The following PALLD variants were observed in gnomAD, a reference collection of about 807,000 sequenced individuals.
PALLD encodes the protein palladin, cytoskeletal associated protein, also known as palladin.
PALLD carries 61 observed loss-of-function variants against 123.5 expected under a neutral mutation model. That is an observed-to-expected ratio of 0.49 (90% CI 0.40 to 0.61). The LOEUF is 0.61. Ranked by LOEUF, PALLD falls within the 20% of genes least tolerant of loss-of-function variation. The pLI is 0.00. For synonymous variants in PALLD, 465 were observed against 496.4 expected (o/e 0.94, Z 0.84); for missense variants, 1,273 against 1,377.0 (o/e 0.92, Z 1.20).
intron 10 of PALLD, among the ~76,000 whole-genome samples, chr4:168,887,322 A>C (rs1319540400): frequency 6.6e-6 from 1 of 152,192 alleles, no homozygotes; most frequent in African/African-American, 2.4e-5. Flanking sequence ...CCCAAGGAAC[A>C]GGACTTATTC....
At chr4:168,636,584 C>T (rs1776369005) in intron 2 of PALLD, among the ~76,000 whole-genome samples, 1 of 152,218 alleles carries the variant, frequency 6.6e-6, no homozygotes, top group African/African-American at 2.4e-5. Flanking sequence ...ATAGAACTCA[C>T]TCTCCTCATT....
At chr4:168,505,546 C>T (rs530627660) in intron 1 of PALLD, among the ~76,000 whole-genome samples, 1 of 152,288 alleles carries the variant, frequency 6.6e-6, no homozygotes, top group South Asian at 2.1e-4. Context: ...TGATACATTG[C>T]TTAGGATTCT....
At chr4:168,922,552 A>G (rs527771039) in intron 18 of PALLD, among the ~76,000 whole-genome samples, 1 of 152,346 alleles carries the variant, frequency 6.6e-6, no homozygotes, top group South Asian at 2.1e-4. Context: ...TAAACACACT[A>G]CGTCACTGAG....
At chr4:168,781,811 C>T (rs577200959) in intron 10 of PALLD, among the ~76,000 whole-genome samples, 5 of 152,228 alleles carry the variant, frequency 3.3e-5, no homozygotes, top group African/African-American at 1.2e-4. Flanking sequence ...AGTTCAAGTA[C>T]AAGCTAAAAG....
chr4:168,729,635 A>T (rs1249744710), intron 10 of PALLD, among the ~76,000 whole-genome samples: 1 of 152,038 alleles, frequency 6.6e-6, no homozygotes, highest in Non-Finnish European at 1.5e-5. Flanking sequence ...CTTCAACATC[A>T]TTCTCGTGTA....
chr4:168,509,976 T>C (rs1263812302), intron 1 of PALLD, among the ~76,000 whole-genome samples: 3 of 152,206 alleles, frequency 2.0e-5, no homozygotes, highest in Non-Finnish European at 4.4e-5. Flanking sequence ...AAGATACTTC[T>C]ACGCAAGCAA....
chr4:168,713,847 C>G (rs1561436608), intron 10 of PALLD, among the ~76,000 whole-genome samples: 1 of 149,770 alleles, frequency 6.7e-6, no homozygotes, highest in African/African-American at 2.4e-5. Flanking sequence ...AGGTTACTCT[C>G]CCTTCATGAG....
Position 168,878,185 on chromosome 4 carries a change from C to T in PALLD, c.1965-12737C>T, listed in dbSNP as rs1060504775. ...CCCCGCCACCCCCGGTCTTCAGCCC[C>T]ACGGCTGCCTTCCCGGTGCCCGACG... On this transcript the variant is annotated intron_variant, in intron 10 of 21. Transcript: ENST00000505667. 4.0e-6 allele frequency: 6 copies of T among 1,513,132 alleles called. No individual in the cohort carries two copies. The East Asian group carries it at 7.9e-5, about 20-fold the overall frequency. The allele number at this position is 1,513,132 out of a possible 1,614,324, so 93.7% of individuals were successfully genotyped here.
intron 2 of PALLD, among the ~76,000 whole-genome samples, chr4:168,600,054 T>TATATACATACATGTGTATACACACACAC (rs1772440982): frequency 7.6e-6 from 1 of 131,204 alleles, no homozygotes. Flanking sequence ...TATACACACA[T>TATATACATACATGTGTATACACACACAC]ATATACATAC....
intron 10 of PALLD, among the ~76,000 whole-genome samples, chr4:168,887,550 A>G (rs767316239): frequency 3.9e-5 from 6 of 152,230 alleles, no homozygotes; most frequent in Non-Finnish European, 8.8e-5. Flanking sequence ...TCATCAGCAC[A>G]TAGTTGTTCT....
At chr4:168,509,594 A>G (rs1482410270) in intron 1 of PALLD, among the ~76,000 whole-genome samples, 1 of 152,184 alleles carries the variant, frequency 6.6e-6, no homozygotes, top group Non-Finnish European at 1.5e-5. Context: ...AAGGAATTAG[A>G]GTGATATTTG....
chr4:168,594,200 TAAG>T (rs1771745456), intron 2 of PALLD, among the ~76,000 whole-genome samples: 1 of 151,974 alleles, frequency 6.6e-6, no homozygotes, highest in South Asian at 2.1e-4. Context: ...AGAGGGAAGG[TAAG>T]GAGATGGTTA....
In PALLD at chr4:168,926,516, A is replaced by G. The variant is rs1234934977; in HGVS notation, c.*336A>G. The G allele has an allele frequency of 1.5e-6, 1 of 651,198 alleles. No individual in the cohort carries two copies. Among genetic ancestry groups the G allele is most frequent in the South Asian group, 2.4e-5 (1 of 41,246 alleles). 40.3% of individuals were successfully genotyped at this position (651,198 alleles called of 1,614,324 possible). A position where few individuals can be genotyped will look rare whatever the true frequency, so the allele number is the denominator to read the frequency against. On this transcript the variant is annotated 3_prime_UTR_variant, in exon 22 of 22. Transcript: ENST00000505667. ...AAATTAAAAAAAAAACACCAAAATAATATTTTTCTTACTTGATATACCAAA... is the reference window on the plus strand; with the variant it reads ...AAATTAAAAAAAAAACACCAAAATAGTATTTTTCTTACTTGATATACCAAA...
intron 2 of PALLD, among the ~76,000 whole-genome samples, chr4:168,560,386 A>T (rs955555925): frequency 1.3e-5 from 2 of 152,238 alleles, no homozygotes; most frequent in African/African-American, 4.8e-5. Flanking sequence ...GCTGGAAAGC[A>T]CTAGAACTGT....
intron 10 of PALLD, among the ~76,000 whole-genome samples, chr4:168,807,459 G>A (rs1396510474): frequency 6.6e-6 from 1 of 152,106 alleles, no homozygotes; most frequent in Non-Finnish European, 1.5e-5. Context: ...GCCCAGACTG[G>A]AGTGCAATGG....
At chr4:168,804,623 G>C (rs969968093) in intron 10 of PALLD, among the ~76,000 whole-genome samples, 44 of 152,174 alleles carry the variant, frequency 2.9e-4, no homozygotes, top group African/African-American at 1.0e-3. Context: ...CAGTTGCAAA[G>C]ACCTATTTTC....
intron 3 of PALLD, among the ~76,000 whole-genome samples, chr4:168,670,760 AAAAAC>A (rs1780157600): frequency 4.7e-5 from 5 of 106,072 alleles, no homozygotes; most frequent in African/African-American, 1.4e-4. Flanking sequence ...AAAAAACAAA[AAAAAC>A]AAAAAAAAAC....
chr4:168,512,682 T>C (rs991083680), intron 2 of PALLD, among the ~76,000 whole-genome samples: 1 of 152,184 alleles, frequency 6.6e-6, no homozygotes, highest in African/African-American at 2.4e-5. Flanking sequence ...TTCTCTAAGA[T>C]GGTGGAACTA....
At chr4:168,705,458 C>G (rs566811248) in intron 8 of PALLD, among the ~76,000 whole-genome samples, 1 of 152,282 alleles carries the variant, frequency 6.6e-6, no homozygotes, top group Non-Finnish European at 1.5e-5. Context: ...TAAAACCTTT[C>G]CTTAACAAGT....
Sources: gnomAD v4.1 joint callset for allele counts (sites outside exome capture counted in the v4.1 genomes callset) on GRCh38, gnomAD v4.1.1 for gene constraint, MANE v1.5 for transcripts, NCBI Gene and HGNC (gene_info 2026-07-23, HGNC 2026-07-21) for gene names.